PDE6A: variants seen among roughly 807,000 people sequenced by gnomAD.
PDE6A encodes rod cGMP-specific 3',5'-cyclic phosphodiesterase subunit alpha.
In PDE6A, 84 loss-of-function variants were observed where a neutral mutation model predicts 106.3. That is an observed-to-expected ratio of 0.79 (90% CI 0.66 to 0.95). The LOEUF (loss-of-function observed/expected upper bound fraction) is 0.95, where lower values mean the gene tolerates loss of function less well. PDE6A is among the 40% of genes least tolerant of loss of function. The pLI is 0.00. For missense variants in PDE6A, 1,052 were observed against 1,084.9 expected (o/e 0.97, Z 0.43); for synonymous variants, 394 against 386.6 (o/e 1.02, Z -0.23).
Position 149,930,945 on chromosome 5 carries a change from T to C in PDE6A, c.858+83A>G, listed in dbSNP as rs150967716. 8.1e-5 allele frequency: 113 copies of C among 1,395,348 alleles called. 1 individual carries two copies. Among genetic ancestry groups the C allele is most frequent in the Admixed American group, 3.0e-4 (18 of 59,692 alleles). 86.4% of individuals were successfully genotyped at this position (1,395,348 alleles called of 1,614,324 possible). ...TCACCCAGCCTCTTCCCCCGTGCAA[T>C]TGAATGTGTGCCAAGACTCTAGCCG... On this transcript the variant is annotated intron_variant, in intron 4 of 21. Transcript: ENST00000255266.
intron 1 of PDE6A, among the ~76,000 whole-genome samples, chr5:149,939,195 G>A (rs1754264017): frequency 6.6e-6 from 1 of 152,164 alleles, no homozygotes; most frequent in Admixed American, 6.5e-5. Flanking sequence ...CACTGGCCAG[G>A]GACACTGACT....
intron 7 of PDE6A, among the ~76,000 whole-genome samples, chr5:149,904,289 G>T (rs1271214420): frequency 6.6e-6 from 1 of 152,180 alleles, no homozygotes; most frequent in Non-Finnish European, 1.5e-5. Context: ...TTTTGTTTGG[G>T]CAGGTAGGGG....
chr5:149,910,205 G>T (rs1227794560), intron 6 of PDE6A, among the ~76,000 whole-genome samples: 1 of 55,012 alleles, frequency 1.8e-5, no homozygotes, highest in Non-Finnish European at 4.1e-5. Context: ...ATTTTTCTAT[G>T]ATATTAATAA....
chr5:149,893,315 G>A (rs1374977494), intron 13 of PDE6A, among the ~76,000 whole-genome samples: 6 of 151,712 alleles, frequency 4.0e-5, no homozygotes, highest in Non-Finnish European at 7.3e-5. Flanking sequence ...CAGATTCCTG[G>A]AAGTATACAC....
At chr5:149,921,102 T>C (rs1360884552) in intron 5 of PDE6A, among the ~76,000 whole-genome samples, 1 of 152,184 alleles carries the variant, frequency 6.6e-6, no homozygotes, top group Admixed American at 6.5e-5. Context: ...ATGAAGGTTT[T>C]CTAAGCTCAT....
At chr5:149,929,135 G>A (rs937500508) in intron 4 of PDE6A, among the ~76,000 whole-genome samples, 1 of 151,954 alleles carries the variant, frequency 6.6e-6, no homozygotes. Flanking sequence ...TAACAGAAAG[G>A]GCACAACTGT....
In PDE6A at chr5:149,859,887, T is replaced by C. The variant is rs1333893102; in HGVS notation, c.*1008A>G. 6.6e-6 allele frequency: 1 copy of C among 152,172 alleles called. No individual in the cohort carries two copies. The highest frequency in any genetic ancestry group is 1.5e-5 in the Non-Finnish European group (1 of 68,062). The allele number at this position is 152,172 out of a possible 1,614,324, so 9.4% of individuals were successfully genotyped here. ...ATGAGATAGTAGAGGTGTGAAATGATATGTTTGGGATTTGCCTTTTCTTTT... is the reference window on the plus strand; with the variant it reads ...ATGAGATAGTAGAGGTGTGAAATGACATGTTTGGGATTTGCCTTTTCTTTT... On this transcript the variant is annotated 3_prime_UTR_variant, in exon 22 of 22. Transcript: ENST00000255266.
At position 149,889,081 on chromosome 5, in the gene PDE6A, C is replaced by CAAAAAAAAAAAAAAAAAAAA. The variant is rs568428704; in HGVS notation, c.1729-2708_1729-2707insTTTTTTTTTTTTTTTTTTTT. Among the ~76,000 whole-genome samples the CAAAAAAAAAAAAAAAAAAAA allele has an allele frequency of 4.3e-3, 264 of 61,372 alleles. 14 individuals carry two copies. Among genetic ancestry groups the CAAAAAAAAAAAAAAAAAAAA allele is most frequent in the African/African-American group, 0.011 (154 of 13,978 alleles). 40.3% of individuals were successfully genotyped at this position (61,372 alleles called of 152,430 possible). ...TGGGCGACAGAGTGAGACTCTGTCT[C>CAAAAAAAAAAAAAAAAAAAA]AAAAAAAAAAAAAAAAAGATCAGAA... On this transcript the variant is annotated intron_variant, in intron 13 of 21. Transcript: ENST00000255266.
At chr5:149,929,273 C>T (rs1753955886) in intron 4 of PDE6A, among the ~76,000 whole-genome samples, 1 of 151,982 alleles carries the variant, frequency 6.6e-6, no homozygotes, top group African/African-American at 2.4e-5. Context: ...TGGAAAATTC[C>T]ACAGGAATAA....
intron 3 of PDE6A, among the ~76,000 whole-genome samples, chr5:149,933,027 C>G (rs112126475): frequency 1.3e-5 from 2 of 152,182 alleles, no homozygotes; most frequent in African/African-American, 4.8e-5. Context: ...GAGTCTTACT[C>G]TGTCATCCAG....
At chr5:149,890,246 T>C (rs10069049) in intron 13 of PDE6A, among the ~76,000 whole-genome samples, 42,017 of 151,964 alleles carry the variant, frequency 0.28, 7,248 homozygotes, top group African/African-American at 0.49. Flanking sequence ...CATGAGCCAC[T>C]GCGTCTGGCC....
intron 17 of PDE6A, among the ~76,000 whole-genome samples, chr5:149,876,213 ACTC>A (rs1561692765): frequency 7.2e-5 from 11 of 152,230 alleles, no homozygotes; most frequent in African/African-American, 2.6e-4. Flanking sequence ...ATTATTAAAC[ACTC>A]AAAGCACCCT....
rs755857701 is a variant in PDE6A, at chr5:149,896,754, T to G, written c.1430A>C (p.Lys477Thr). 1 of 1,614,182 alleles carries G rather than the reference T, an allele frequency of 6.2e-7. No individual in the cohort carries two copies. Among genetic ancestry groups the G allele is most frequent in the Admixed American group, 1.7e-5 (1 of 60,028 alleles). ...CTCTTCCTCACACTCCCATGGCTCC[T>G]TCCCATACACCTCTCTGGTTTTCTG... The part of the protein sequence containing the change: ...KILKTREVYG[K>T]EPWECEEEEL... The change falls in exon 11 of 22, where the codon AAG (lysine) becomes ACG (threonine). Residue 477 changes from lysine (K) to threonine (T), a missense_variant. Coordinates refer to ENST00000255266, the MANE Select transcript of PDE6A (RefSeq NM_000440.3).
chr5:149,878,090 T>A (rs1760803751), intron 17 of PDE6A, among the ~76,000 whole-genome samples: 1 of 152,110 alleles, frequency 6.6e-6, no homozygotes, highest in Non-Finnish European at 1.5e-5. Flanking sequence ...TTTTGTAAGG[T>A]GGGGAAGAAT....
chr5:149,895,219 G>A lies in PDE6A; in HGVS notation c.1692C>T (p.Gly564=). ...AGAACATGGTCTGCCCCACGTTGAA[G>A]CCGTGCCGCCAGTTGTGGTAGGTGA... ...RKITYHNWRH[G]FNVGQTMFSL... is the part of the protein sequence containing the mutation. The change falls in exon 13 of 22, where the codon GGC becomes GGT. Residue 564 remains glycine, a synonymous_variant. Transcript: ENST00000255266. 1.9e-6 allele frequency: 3 copies of A among 1,614,048 alleles called. No homozygotes were observed. The highest frequency in any genetic ancestry group is 2.5e-6 in the Non-Finnish European group (3 of 1,179,924).
chr5:149,884,718 CT>C, intron 15 of PDE6A, 61 bp downstream of exon 15: 2 of 1,512,224 alleles, frequency 1.3e-6, no homozygotes, highest in Non-Finnish European at 1.8e-6. Flanking sequence ...ACTCAGGCTC[CT>C]TGTGAAATAG....
In PDE6A at chr5:149,910,924, G is replaced by A. The variant is rs1322430092; in HGVS notation, c.999-3546C>T. On this transcript the variant is annotated intron_variant, in intron 6 of 21. Transcript: ENST00000255266. ...AGACAGGGTCTCACTCTGTCCCCTA[G>A]GCTGGAGTGCAGTGGTGCGATCATG... Among the ~76,000 whole-genome samples the A allele has an allele frequency of 5.2e-5, 6 of 114,402 alleles. No individual in the cohort carries two copies. In the Admixed American group the frequency reaches 6.1e-4, roughly 12 times the overall value. The allele number at this position is 114,402 out of a possible 152,430, so 75.1% of individuals were successfully genotyped here. A position where few individuals can be genotyped will look rare whatever the true frequency, so the allele number is the denominator to read the frequency against.
intron 3 of PDE6A, chr5:149,931,865 T>C: frequency 1.7e-6 from 1 of 599,832 alleles, no homozygotes; most frequent in Non-Finnish European, 2.9e-6. Flanking sequence ...TAAGCAGGTG[T>C]TACCTCCAGA....
At chr5:149,906,517 GTC>G (rs1753187303) in intron 7 of PDE6A, among the ~76,000 whole-genome samples, 1 of 10,970 alleles carries the variant, frequency 9.1e-5, no homozygotes, top group African/African-American at 7.5e-4. Flanking sequence ...CAGAGACACT[GTC>G]AAAAAAAAAA....
Sources: allele counts gnomAD v4.1 joint callset (sites outside exome capture counted in the v4.1 genomes callset), GRCh38; gene constraint gnomAD v4.1.1; transcripts MANE v1.5; gene names NCBI Gene and HGNC (gene_info 2026-07-23, HGNC 2026-07-21).